Variants in SYNE2 observed in about 807,000 individuals in gnomAD.
The protein encoded by SYNE2 is nesprin-2.
In SYNE2, 431 loss-of-function variants were observed where a neutral mutation model predicts 856.3. That is an observed-to-expected ratio of 0.50 (90% CI 0.47 to 0.55). The LOEUF is 0.55. Among genes scored for constraint, SYNE2 ranks in the 20% least tolerant of loss-of-function variants. The pLI is 0.00. For synonymous variants in SYNE2, 2,923 were observed against 2,872.3 expected (o/e 1.02, Z -0.56); for missense variants, 8,129 against 8,023.2 (o/e 1.01, Z -0.50).
intron 11 of SYNE2, among the ~76,000 whole-genome samples, chr14:63,973,675 A>G (rs1275441552): frequency 6.6e-6 from 1 of 151,532 alleles, no homozygotes; most frequent in African/African-American, 2.4e-5. Flanking sequence ...TATCTTTGCC[A>G]TATGCCTTTT....
chr14:63,813,487 C>T (rs548328751), intron 1 of SYNE2, among the ~76,000 whole-genome samples: 9 of 152,256 alleles, frequency 5.9e-5, no homozygotes, highest in Non-Finnish European at 1.3e-4. Context: ...GACTTGAAAT[C>T]ACTAATAACA....
chr14:64,100,046 C>T (rs1421817464), intron 63 of SYNE2: 1 of 152,056 alleles, frequency 6.6e-6, no homozygotes. Flanking sequence ...TTTACTGCGG[C>T]ATTATTCACA....
chr14:64,072,104 A>G (rs1429343720), intron 52 of SYNE2, among the ~76,000 whole-genome samples: 1 of 152,224 alleles, frequency 6.6e-6, no homozygotes, highest in African/African-American at 2.4e-5. Flanking sequence ...GAATCTTTAA[A>G]TTACTTTTTT....
At chr14:64,208,445 G>A (rs2098620194) in intron 100 of SYNE2, among the ~76,000 whole-genome samples, 1 of 152,202 alleles carries the variant, frequency 6.6e-6, no homozygotes, top group South Asian at 2.1e-4. Context: ...TCTGTGGGGC[G>A]ATGGGCTCTC....
At chr14:64,095,830 A>G (rs2097672208) in intron 61 of SYNE2, among the ~76,000 whole-genome samples, 1 of 152,070 alleles carries the variant, frequency 6.6e-6, no homozygotes, top group South Asian at 2.1e-4. Context: ...ATTTTTGTTC[A>G]TGTTGAAACT....
intron 1 of SYNE2, among the ~76,000 whole-genome samples, chr14:63,787,852 GA>G (rs1887595733): frequency 6.6e-6 from 1 of 152,208 alleles, no homozygotes; most frequent in Non-Finnish European, 1.5e-5. Context: ...TCCCTGCCCT[GA>G]AGGTGGGGTC....
At chr14:63,810,566 A>T (rs182793213) in intron 1 of SYNE2, among the ~76,000 whole-genome samples, 1 of 152,126 alleles carries the variant, frequency 6.6e-6, no homozygotes, top group African/African-American at 2.4e-5. Flanking sequence ...GAAGAAACTG[A>T]TGGGTTCATG....
chr14:64,206,510 GTTTTTAAAAATT>G (rs2098606007), intron 100 of SYNE2, among the ~76,000 whole-genome samples: 1 of 149,144 alleles, frequency 6.7e-6, no homozygotes, highest in African/African-American at 2.5e-5. Context: ...GTTTTACATG[GTTTTTAAAAATT>G]TTTTGAAAAT....
chr14:64,021,299 T>C lies in SYNE2; in HGVS notation c.5152-16T>C, dbSNP rs1274709017. ...ATAATGACTGTTATACAACTTCATA[T>C]ATTTCATGATTTCAGGTCATGGAGT... is the stretch of plus-strand genomic sequence containing the variant. On this transcript the variant is annotated splice_polypyrimidine_tract_variant and intron_variant, in intron 35 of 115. Transcript: ENST00000555002. 22 of 1,600,206 alleles carry C rather than the reference T, an allele frequency of 1.4e-5. No individual in the cohort carries two copies. Among genetic ancestry groups the C allele is most frequent in the Non-Finnish European group, 1.8e-5 (21 of 1,167,466 alleles).
intron 7 of SYNE2, among the ~76,000 whole-genome samples, chr14:63,950,327 G>T (rs1382674609): frequency 6.6e-6 from 1 of 152,168 alleles, no homozygotes; most frequent in Non-Finnish European, 1.5e-5. Context: ...GCTGAGGCGG[G>T]TAGATCACTT....
At chr14:64,187,720 G>T (rs2098499306) in intron 97 of SYNE2, among the ~76,000 whole-genome samples, 1 of 152,122 alleles carries the variant, frequency 6.6e-6, no homozygotes, top group Admixed American at 6.5e-5. Flanking sequence ...TCCATATAGT[G>T]GGGTGTCAAA....
intron 1 of SYNE2, among the ~76,000 whole-genome samples, chr14:63,889,872 G>A (rs371823850): frequency 1.3e-5 from 2 of 151,992 alleles, no homozygotes; most frequent in African/African-American, 4.8e-5. Flanking sequence ...TTTATGCTGT[G>A]GTTTGATGCA....
intron 84 of SYNE2, 57 bp from the exon 85 acceptor site, chr14:64,152,507 C>T: frequency 1.3e-6 from 2 of 1,577,924 alleles, no homozygotes; most frequent in Non-Finnish European, 1.7e-6. Context: ...TCTCTGACAC[C>T]TTATTAATTG....
At chr14:63,793,906 T>C (rs1887828116) in intron 1 of SYNE2, among the ~76,000 whole-genome samples, 1 of 149,650 alleles carries the variant, frequency 6.7e-6, no homozygotes, top group Non-Finnish European at 1.5e-5. Flanking sequence ...GCCACTGCAC[T>C]CCAGCCTGGG....
At chr14:63,921,258 A>G (rs2095597725) in intron 2 of SYNE2, among the ~76,000 whole-genome samples, 1 of 152,162 alleles carries the variant, frequency 6.6e-6, no homozygotes, top group African/African-American at 2.4e-5. Context: ...CAGTTCTGGA[A>G]ATGTTGAGTT....
In SYNE2 at chr14:64,052,365, C is replaced by G; in HGVS notation, c.8452C>G (p.Leu2818Val). 1 of 1,614,034 alleles carries G rather than the reference C, an allele frequency of 6.2e-7. No individual in the cohort carries two copies. Among genetic ancestry groups the G allele is most frequent in the Non-Finnish European group, 8.5e-7 (1 of 1,180,006 alleles). ...GGACTTACGGAATCAATACCAAATGCTGGTTTTAAAATCAACTCAAAGATC... is the reference window on the plus strand; with the variant it reads ...GGACTTACGGAATCAATACCAAATGGTGGTTTTAAAATCAACTCAAAGATC... ...LEDLRNQYQM[L>V]VLKSTQRSQQ... Residue 2818 changes from leucine to valine, a missense_variant, in exon 48 of 116, where the codon CTG becomes GTG. Physicochemically the swap from Leu to Val is conservative, Grantham distance 32 (BLOSUM62 1). Transcript: ENST00000555002.
chr14:64,168,940 C>G lies in SYNE2; in HGVS notation c.16969C>G (p.Gln5657Glu). The G allele has an allele frequency of 6.2e-7, 1 of 1,614,030 alleles. No individual in the cohort carries two copies. Among genetic ancestry groups the G allele is most frequent in the Non-Finnish European group, 8.5e-7 (1 of 1,179,932 alleles). Residue 5657 changes from glutamine to glutamate, a missense_variant, in exon 93 of 116, where the codon CAA (glutamine) becomes GAA (glutamate). Physicochemically the swap from Gln to Glu is conservative, Grantham distance 29 (BLOSUM62 2). This residue lies in a region of SYNE2 where 5,410 missense variants were observed against 5,284.8 expected (regional missense o/e 1.02). Coordinates refer to ENST00000555002, the MANE Select transcript of SYNE2 (RefSeq NM_182914.3). Reference sequence around the variant, plus strand: ...TGATTCCTATGTCACCCAGTCCTTACAACTCCTGGACACAACAGAAATAGA... The same window carrying G: ...TGATTCCTATGTCACCCAGTCCTTAGAACTCCTGGACACAACAGAAATAGA... ...IADSYVTQSL[Q>E]LLDTTEIENR... is the part of the protein sequence containing the mutation.
At chr14:63,844,427 G>A (rs115707772) in intron 1 of SYNE2, among the ~76,000 whole-genome samples, 1,700 of 152,220 alleles carry the variant, frequency 0.011, 29 homozygotes, top group African/African-American at 0.038. Flanking sequence ...CTTACTGAAG[G>A]ACATCTTGGT....
rs757583138 is a variant in SYNE2, at chr14:63,899,674, G to A, written c.-51-9424G>A. The stretch of plus-strand genomic sequence containing the variant: ...ACACCACCATGCCTAGCTAATTTTT[G>A]TATTTTTTGTAAAGATGGGGTTTTA... On this transcript the variant is annotated intron_variant, in intron 1 of 115. Transcript: ENST00000555002. Among the ~76,000 whole-genome samples the A allele has an allele frequency of 3.3e-5, 5 of 152,164 alleles. 1 individual carries two copies. In the East Asian group the frequency reaches 9.6e-4, roughly 29 times the overall value.
Sources: gnomAD v4.1 joint callset for allele counts (sites outside exome capture counted in the v4.1 genomes callset) on GRCh38, gnomAD v4.1.1 for gene constraint, gnomAD v4.1.1 regional missense constraint, MANE v1.5 for transcripts, NCBI Gene and HGNC (gene_info 2026-07-23, HGNC 2026-07-21) for gene names.